The following NUP98 variants were observed in gnomAD, a reference collection of about 807,000 sequenced individuals.
NUP98 encodes the protein nucleoporin 98 and 96 precursor, also known as nuclear pore complex protein Nup98-Nup96.
A neutral mutation model predicts 191.9 loss-of-function variants in NUP98; 26 were observed. The observed-to-expected ratio is 0.14, with a 90% CI of 0.10 to 0.19. The LOEUF (loss-of-function observed/expected upper bound fraction) is 0.19, where lower values mean the gene tolerates loss of function less well. Among genes scored for constraint, NUP98 ranks in the 10% least tolerant of loss-of-function variants. NUP98 has a pLI of 1.00. For synonymous variants in NUP98, 808 were observed against 778.4 expected (o/e 1.04, Z -0.63); for missense variants, 1,941 against 2,178.8 (o/e 0.89, Z 2.17).
In NUP98 at chr11:3,720,830, GACA is replaced by G; in HGVS notation, c.2147-8_2147-6del. 5 of 317,102 alleles carry G rather than the reference GACA, an allele frequency of 1.6e-5. No homozygotes were observed. Among genetic ancestry groups the G allele is most frequent in the African/African-American group, 7.3e-5 (1 of 13,646 alleles). The allele number at this position is 317,102 out of a possible 1,614,324, so 19.6% of individuals were successfully genotyped here. ...CAACCTTAGTGAGAATAATACCTGT[GACA>G]AAAAAAAAAAAAAAAACAGAAAAAA... On this transcript the variant is annotated splice_polypyrimidine_tract_variant and splice_region_variant and intron_variant, in intron 16 of 32. Transcript: ENST00000324932.
chr11:3,779,178 A>G lies in NUP98; in HGVS notation c.156T>C (p.Phe52=), dbSNP rs1413725792. Residue 52 remains phenylalanine, a synonymous_variant, in exon 3 of 33, where the codon TTT becomes TTC. Transcript: ENST00000324932. ...TACCTGGTTTAGTCTGTGAATTTCC[A>G]AAGAGGCCTCCAGTATTGTTGCTAG... ...FGSSNNTGGL[F]GNSQTKPGGL... 4.3e-6 allele frequency: 7 copies of G among 1,614,072 alleles called. No individual in the cohort carries two copies. In the Middle Eastern group the frequency reaches 6.6e-4, roughly 152 times the overall value.
Position 3,675,036 on chromosome 11 carries a change from T to A in NUP98, c.*1123A>T, listed in dbSNP as rs2077763994. 5.8e-6 allele frequency: 1 copy of A among 172,448 alleles called. No individual in the cohort carries two copies. The highest frequency in any genetic ancestry group is 6.4e-5 in the Admixed American group (1 of 15,716). 10.7% of individuals were successfully genotyped at this position (172,448 alleles called of 1,614,324 possible). A position where few individuals can be genotyped will look rare whatever the true frequency, so the allele number is the denominator to read the frequency against. ...ACCAGGAATGCTATAAACATTTTAT[T>A]TATTTTTTAAGAAAGTAGCTTCAGA... On this transcript the variant is annotated 3_prime_UTR_variant, in exon 33 of 33. Coordinates refer to ENST00000324932, the MANE Select transcript of NUP98 (RefSeq NM_016320.5).
chr11:3,686,019 G>A lies in NUP98; in HGVS notation c.4630C>T (p.Leu1544Phe). 1 of 1,614,182 alleles carries A rather than the reference G, an allele frequency of 6.2e-7. No individual in the cohort carries two copies. The highest frequency in any genetic ancestry group is 1.3e-5 in the African/African-American group (1 of 75,050). The change falls in exon 29 of 33, where the codon CTC becomes TTC. Residue 1544 changes from leucine (L) to phenylalanine (F), a missense_variant. This residue lies in a region of NUP98 where 1,030 missense variants were observed against 1,115.8 expected (regional missense o/e 0.92). Coordinates refer to ENST00000324932, the MANE Select transcript of NUP98 (RefSeq NM_016320.5). ...AGGACAAAGATGGCCCACTCCCAGA[G>A]CCCCTCACTTTCAAGCTGGCCAGCG... is the stretch of plus-strand genomic sequence containing the variant. ...SYAGQLESEG[L>F]WEWAIFVLLH...
Position 3,768,652 on chromosome 11 carries a change from T to C in NUP98, c.877A>G (p.Thr293Ala), listed in dbSNP as rs61732810. The C allele has an allele frequency of 1.9e-6, 3 of 1,612,066 alleles. No homozygotes were observed. In the Admixed American group the frequency reaches 5.0e-5, roughly 27 times the overall value. The change falls in exon 8 of 33, where the codon ACA becomes GCA. Residue 293 changes from threonine to alanine, a missense_variant. Coordinates refer to ENST00000324932, the MANE Select transcript of NUP98 (RefSeq NM_016320.5). The stretch of plus-strand genomic sequence containing the variant: ...GAAAAGCCAGTGTTCTGGGTGGTTG[T>C]AGCCTGGCCAAATGGTTTGCTGAAG... ...SLFSKPFGQA[T>A]TTQNTGFSFG...
chr11:3,767,479 C>T (rs2081377425), intron 8 of NUP98, among the ~76,000 whole-genome samples: 1 of 151,540 alleles, frequency 6.6e-6, no homozygotes, highest in Non-Finnish European at 1.5e-5. Context: ...TTACAGGCAC[C>T]AACCACTGTG....
chr11:3,739,466 C>T (rs2080197211), intron 12 of NUP98, among the ~76,000 whole-genome samples: 2 of 151,940 alleles, frequency 1.3e-5, no homozygotes, highest in Admixed American at 6.6e-5. Flanking sequence ...CCAGGATGGT[C>T]GAACTCCTGA....
In NUP98 at chr11:3,687,800, G is replaced by A. The variant is rs560584878; in HGVS notation, c.4455-1606C>T. Among the ~76,000 whole-genome samples the A allele has an allele frequency of 6.0e-4, 91 of 152,258 alleles. 1 individual carries two copies. The highest frequency in any genetic ancestry group is 1.2e-3 in the Admixed American group (18 of 15,286). On this transcript the variant is annotated intron_variant, in intron 28 of 32. Transcript: ENST00000324932. ...CTTTAGGCCGGGTGCGGTGGCTCAC[G>A]CCTGTAATCCCAGCACTTTGGGAAG...
chr11:3,789,207 G>A (rs2082251093), intron 1 of NUP98, among the ~76,000 whole-genome samples: 1 of 152,046 alleles, frequency 6.6e-6, no homozygotes, highest in Admixed American at 6.6e-5. Flanking sequence ...TTTTCAACAG[G>A]TATTTTACAG....
chr11:3,710,541 C>T (rs1333959788), intron 20 of NUP98, among the ~76,000 whole-genome samples: 1 of 152,098 alleles, frequency 6.6e-6, no homozygotes, highest in Non-Finnish European at 1.5e-5. Flanking sequence ...AGGCCTCTCT[C>T]CCCCAAGAAA....
intron 25 of NUP98, chr11:3,697,322 T>TTATA: frequency 6.6e-6 from 1 of 152,278 alleles, no homozygotes; most frequent in East Asian, 1.9e-4. Flanking sequence ...AACAAGCCCT[T>TTATA]TATATAGCTT....
chr11:3,695,530 C>G lies in NUP98; in HGVS notation c.4086G>C (p.Leu1362Phe), dbSNP rs777623023. Reference sequence around the variant, plus strand: ...CTGCTTGGAGCTGATGCCAGTCCACCAACTGCATGGTGAGCAGCTCCCGGA... The same window carrying G: ...CTGCTTGGAGCTGATGCCAGTCCACGAACTGCATGGTGAGCAGCTCCCGGA... ...QSVRELLTMQLVDWHQLQADS... is the reference protein window; with the variant it reads ...QSVRELLTMQFVDWHQLQADS... Residue 1362 changes from leucine (L) to phenylalanine (F), a missense_variant, in exon 26 of 33, where the codon TTG becomes TTC. Transcript: ENST00000324932. 9 of 1,611,244 alleles carry G rather than the reference C, an allele frequency of 5.6e-6. No individual in the cohort carries two copies. Among genetic ancestry groups the G allele is most frequent in the African/African-American group, 1.3e-5 (1 of 74,770 alleles).
At chr11:3,714,637 A>G (rs1010673957) in intron 18 of NUP98, 1 of 158,490 alleles carries the variant, frequency 6.3e-6, no homozygotes, top group African/African-American at 2.4e-5. Context: ...TCCCAGATAC[A>G]TCACAATATA....
At chr11:3,787,444 G>GAGA (rs2082181094) in intron 1 of NUP98, among the ~76,000 whole-genome samples, 1 of 152,050 alleles carries the variant, frequency 6.6e-6, no homozygotes, top group African/African-American at 2.4e-5. Context: ...TTAGCCAGAA[G>GAGA]CGGTGGCGCA....
Position 3,676,311 on chromosome 11 carries a change from T to G in NUP98, c.5251A>C (p.Thr1751Pro). Residue 1751 changes from threonine to proline, a missense_variant, in exon 33 of 33, where the codon ACC (threonine) becomes CCC (proline). Physicochemically the swap from Thr to Pro is conservative, Grantham distance 38. Transcript: ENST00000324932. The part of the protein sequence containing the change: ...VLSLHHPPDR[T>P]SDSTPDPQRV... Reference sequence around the variant, plus strand: ...TGAGGGTCTGGTGTTGAGTCGGAGGTTCTATCAGGAGGATGATGCAGACTC... The same window carrying G: ...TGAGGGTCTGGTGTTGAGTCGGAGGGTCTATCAGGAGGATGATGCAGACTC... 3 of 1,614,016 alleles carry G rather than the reference T, an allele frequency of 1.9e-6. No individual in the cohort carries two copies. The highest frequency in any genetic ancestry group is 2.5e-6 in the Non-Finnish European group (3 of 1,179,974).
At chr11:3,758,178 G>A (rs181213777) in intron 10 of NUP98, among the ~76,000 whole-genome samples, 4 of 151,828 alleles carry the variant, frequency 2.6e-5, no homozygotes, top group Admixed American at 1.3e-4. Context: ...AAAATTAGCC[G>A]GGGGTGGTGG....
intron 10 of NUP98, among the ~76,000 whole-genome samples, chr11:3,758,085 A>G (rs1380564777): frequency 1.3e-5 from 2 of 152,044 alleles, no homozygotes; most frequent in African/African-American, 4.8e-5. Context: ...TGGGAGGCCA[A>G]TGCCGGCAGA....
chr11:3,783,731 T>G (rs1345732565), intron 1 of NUP98, among the ~76,000 whole-genome samples: 2 of 151,818 alleles, frequency 1.3e-5, no homozygotes, highest in African/African-American at 4.8e-5. Context: ...AACGCTCACC[T>G]CACATAAATT....
chr11:3,695,890 G>C (rs2957865), intron 25 of NUP98, among the ~76,000 whole-genome samples: 3 of 151,854 alleles, frequency 2.0e-5, no homozygotes, highest in Admixed American at 1.3e-4. Context: ...AGACACCTCA[G>C]CTACAAAATG....
intron 1 of NUP98, among the ~76,000 whole-genome samples, chr11:3,791,533 CAAAAAAAAAAAAAA>C (rs71041395): frequency 1.8e-3 from 119 of 67,220 alleles, no homozygotes; most frequent in Non-Finnish European, 2.6e-3. Flanking sequence ...GACCTCGTCT[CAAAAAAAAAAAAAA>C]AAAAAAAAAA....
Sources: allele counts gnomAD v4.1 joint callset (sites outside exome capture counted in the v4.1 genomes callset), GRCh38; gene constraint gnomAD v4.1.1; regional missense constraint gnomAD v4.1.1; transcripts MANE v1.5; gene names NCBI Gene and HGNC (gene_info 2026-07-23, HGNC 2026-07-21).